Variants in CIPC observed in about 807,000 individuals in gnomAD.
CIPC encodes the protein CLOCK interacting pacemaker.
A neutral mutation model predicts 26.7 loss-of-function variants in CIPC; 12 were observed. The ratio of observed to expected loss-of-function variants is 0.45; its 90% CI spans 0.29 to 0.73. The LOEUF (loss-of-function observed/expected upper bound fraction) is 0.73, where lower values mean the gene tolerates loss of function less well. CIPC is among the 30% of genes least tolerant of loss of function. The probability of loss-of-function intolerance (pLI) is 0.12; values close to 1 mark genes in which losing one functional copy is unlikely to be tolerated. For missense variants in CIPC, 417 were observed against 486.5 expected, an observed-to-expected ratio of 0.86 and a Z score of 1.34; for synonymous variants, 170 against 189.8, an observed-to-expected ratio of 0.90 and a Z score of 0.86.
intron 3 of CIPC, among the ~76,000 whole-genome samples, chr14:77,111,631 G>A (rs1886703088): frequency 6.6e-6 from 1 of 152,162 alleles, no homozygotes; most frequent in Non-Finnish European, 1.5e-5. Context: ...TATGTGAAAT[G>A]ATTCTGAGAT....
In CIPC at chr14:77,109,917, C is replaced by T. The variant is rs969632694; in HGVS notation, c.242C>T (p.Thr81Ile). 6.2e-7 allele frequency: 1 copy of T among 1,614,208 alleles called. No individual in the cohort carries two copies. Among genetic ancestry groups the T allele is most frequent in the African/African-American group, 1.3e-5 (1 of 75,050 alleles). Residue 81 changes from threonine to isoleucine, a missense_variant, in exon 3 of 4, where the codon ACT (threonine) becomes ATT (isoleucine). By Grantham distance (89) the Thr-to-Ile change is moderately conservative (BLOSUM62 -1). Transcript: ENST00000361786. ...GACAGGCCGAGGCAGAACTCCAAAA[C>T]TGCAAAGAATGCCTTCCCTACCCTG... The part of the protein sequence containing the change: ...REDRPRQNSK[T>I]AKNAFPTLSP...
chr14:77,105,749 T>C lies in CIPC; in HGVS notation c.41T>C (p.Leu14Pro). 1 of 1,614,090 alleles carries C rather than the reference T, an allele frequency of 6.2e-7. No homozygotes were observed. Among genetic ancestry groups the C allele is most frequent in the Non-Finnish European group, 8.5e-7 (1 of 1,179,972 alleles). ...CCATCCAGAGAGAGCCCCAGAAGAC[T>C]CTCTGCCAAAGTAGGCAAAGGCACA... is the stretch of plus-strand genomic sequence containing the variant. ...KNPSRESPRRLSAKVGKGTEM... is the reference protein window; with the variant it reads ...KNPSRESPRRPSAKVGKGTEM... The change falls in exon 2 of 4, where the codon CTC (leucine) becomes CCC (proline). Residue 14 changes from leucine to proline, a missense_variant. Coordinates refer to ENST00000361786, the MANE Select transcript of CIPC (RefSeq NM_033426.3).
intron 2 of CIPC, 73 bp downstream of exon 2, chr14:77,105,917 A>G: frequency 2.6e-6 from 4 of 1,560,686 alleles, no homozygotes; most frequent in Non-Finnish European, 3.5e-6. Context: ...CCCAAAACTC[A>G]TTTATGTGAT....
chr14:77,102,677 G>A (rs994255203), intron 1 of CIPC, among the ~76,000 whole-genome samples: 3 of 152,188 alleles, frequency 2.0e-5, no homozygotes, highest in Admixed American at 2.0e-4. Context: ...GTAAGATAAT[G>A]TGAAACTTCA....
chr14:77,111,317 C>T (rs1450754573), intron 3 of CIPC, among the ~76,000 whole-genome samples: 1 of 152,198 alleles, frequency 6.6e-6, no homozygotes, highest in Non-Finnish European at 1.5e-5. Context: ...AAGACAAAGA[C>T]CCGCCAGAAA....
At chr14:77,112,147 C>T (rs1886715853) in intron 3 of CIPC, among the ~76,000 whole-genome samples, 1 of 152,168 alleles carries the variant, frequency 6.6e-6, no homozygotes, top group South Asian at 2.1e-4. Context: ...TAATGTTCTT[C>T]AGATAAATCA....
rs754577921 is a variant in CIPC, at chr14:77,113,675, A to C, written c.557A>C (p.Lys186Thr). The C allele has an allele frequency of 6.2e-7, 1 of 1,613,460 alleles. No homozygotes were observed. Among genetic ancestry groups the C allele is most frequent in the Non-Finnish European group, 8.5e-7 (1 of 1,179,786 alleles). ...GAAAAAGGAACAAGTGGAGTGCAGA[A>C]GAAAATCTGTACTGAGAGACTTGGG... ...PEEKGTSGVQ[K>T]KICTERLGPS... The change falls in exon 4 of 4, where the codon AAG (lysine) becomes ACG (threonine). Residue 186 changes from lysine (K) to threonine (T), a missense_variant. Lys to Thr is a moderately conservative substitution (Grantham distance 78). Transcript: ENST00000361786.
At chr14:77,108,836 T>G (rs1283359441) in intron 2 of CIPC, among the ~76,000 whole-genome samples, 2 of 152,244 alleles carry the variant, frequency 1.3e-5, no homozygotes, top group Non-Finnish European at 2.9e-5. Flanking sequence ...ATTCAGTTTG[T>G]CAACCTGTTA....
chr14:77,100,467 C>G (rs1033837523), intron 1 of CIPC, among the ~76,000 whole-genome samples: 2 of 151,846 alleles, frequency 1.3e-5, no homozygotes, highest in Admixed American at 1.3e-4. Context: ...GTCTCCAACT[C>G]CTGACCTCAG....
intron 1 of CIPC, among the ~76,000 whole-genome samples, chr14:77,103,873 C>A (rs993408437): frequency 2.1e-5 from 3 of 140,192 alleles, no homozygotes; most frequent in Admixed American, 7.1e-5. Flanking sequence ...CCCTTCTGTG[C>A]ACTTCTTGGG....
intron 1 of CIPC, among the ~76,000 whole-genome samples, chr14:77,100,933 G>A (rs2140024618): frequency 6.6e-6 from 1 of 152,278 alleles, no homozygotes. Flanking sequence ...TGGACAATGT[G>A]TTACATATAC....
chr14:77,106,490 T>C (rs1340820625), intron 2 of CIPC, among the ~76,000 whole-genome samples: 1 of 152,178 alleles, frequency 6.6e-6, no homozygotes, highest in Non-Finnish European at 1.5e-5. Context: ...ATCATTCAAT[T>C]TTGTGCTGGG....
At chr14:77,110,190 G>A (rs1886666988) in intron 3 of CIPC, among the ~76,000 whole-genome samples, 1 of 152,028 alleles carries the variant, frequency 6.6e-6, no homozygotes, top group Non-Finnish European at 1.5e-5. Context: ...ATCATGACAT[G>A]CGTTCTCATT....
intron 1 of CIPC, among the ~76,000 whole-genome samples, chr14:77,103,456 T>G (rs1430926077): frequency 6.6e-6 from 1 of 152,208 alleles, no homozygotes; most frequent in East Asian, 1.9e-4. Flanking sequence ...CATCGTGAAT[T>G]AAAACATCAC....
intron 2 of CIPC, among the ~76,000 whole-genome samples, chr14:77,106,318 C>T (rs1886589422): frequency 6.6e-6 from 1 of 152,140 alleles, no homozygotes; most frequent in Admixed American, 6.5e-5. Flanking sequence ...TGTACGCCTC[C>T]AACAACCCCT....
rs1886804149 is a variant in CIPC, at chr14:77,115,935, C to T, written c.*1617C>T. 6.6e-6 allele frequency: 1 copy of T among 152,230 alleles called. No homozygotes were observed. The highest frequency in any genetic ancestry group is 2.1e-4 in the South Asian group (1 of 4,834). The allele number at this position is 152,230 out of a possible 1,614,324, so 9.4% of individuals were successfully genotyped here. A position where few individuals can be genotyped will look rare whatever the true frequency, so the allele number is the denominator to read the frequency against. On this transcript the variant is annotated 3_prime_UTR_variant, in exon 4 of 4. Coordinates refer to ENST00000361786, the MANE Select transcript of CIPC (RefSeq NM_033426.3). The stretch of plus-strand genomic sequence containing the variant: ...TCCTGACCTCAGTTGATCCGCCTGC[C>T]TCAGCCTCCCAAAGTGCTGGGCTTA...
At position 77,113,598 on chromosome 14, in the gene CIPC, C is replaced by T. The variant is rs759562115; in HGVS notation, c.480C>T (p.Tyr160=). Residue 160 remains tyrosine, a synonymous_variant, in exon 4 of 4, where the codon TAC becomes TAT. Transcript: ENST00000361786. ...SRNYLPILNS[Y]TKIAPHPGKR... ...ACTACTTGCCCATTCTGAATTCTTACACCAAAATAGCCCCACATCCAGGCA... is the reference window on the plus strand; with the variant it reads ...ACTACTTGCCCATTCTGAATTCTTATACCAAAATAGCCCCACATCCAGGCA... The T allele has an allele frequency of 2.4e-5, 39 of 1,614,132 alleles. 1 individual carries two copies. The Admixed American group carries it at 5.8e-4, about 24-fold the overall frequency.
chr14:77,113,411 T>C lies in CIPC; in HGVS notation c.307-14T>C, dbSNP rs74069037. 10,144 of 1,613,800 alleles carry C rather than the reference T, an allele frequency of 6.3e-3. 455 individuals carry two copies. The East Asian group carries it at 0.12, about 19-fold the overall frequency. ...AGTAATGAGTAGTGTGCTGCTCTCC[T>C]CCTTTGTCTTCAGGGCAGCAGCTCA... On this transcript the variant is annotated splice_polypyrimidine_tract_variant and intron_variant, in intron 3 of 3. Coordinates refer to ENST00000361786, the MANE Select transcript of CIPC (RefSeq NM_033426.3).
chr14:77,098,825 G>A lies in CIPC; in HGVS notation c.-53+464G>A, dbSNP rs1439263930. On this transcript the variant is annotated intron_variant, in intron 1 of 3. Coordinates refer to ENST00000361786, the MANE Select transcript of CIPC (RefSeq NM_033426.3). ...TCTGGCTCCAGGGCACAGGTGTGCT[G>A]CCTTTTCCAGAGACCTGCCGTCACC... 2.6e-5 allele frequency: 4 copies of A among 152,390 alleles called. No homozygotes were observed. In the East Asian group the frequency reaches 5.8e-4, roughly 22 times the overall value. 9.4% of individuals were successfully genotyped at this position (152,390 alleles called of 1,614,324 possible).
Sources: allele counts gnomAD v4.1 joint callset (sites outside exome capture counted in the v4.1 genomes callset), GRCh38; gene constraint gnomAD v4.1.1; transcripts MANE v1.5; gene names NCBI Gene and HGNC (gene_info 2026-07-23, HGNC 2026-07-21).